Variants in PPP2R5C observed in about 807,000 individuals in gnomAD.
PPP2R5C encodes serine/threonine-protein phosphatase 2A 56 kDa regulatory subunit gamma isoform.
In PPP2R5C, 7 loss-of-function variants were observed where a neutral mutation model predicts 68.9. That is an observed-to-expected ratio of 0.10 (90% CI 0.06 to 0.19). PPP2R5C has a LOEUF of 0.19. PPP2R5C is among the 10% of genes least tolerant of loss of function. PPP2R5C has a pLI of 1.00. For synonymous variants in PPP2R5C, 210 were observed against 222.2 expected (o/e 0.95, Z 0.49); for missense variants, 348 against 641.3 (o/e 0.54, Z 4.94).
intron 8 of PPP2R5C, among the ~76,000 whole-genome samples, chr14:101,897,134 G>A (rs988494471): frequency 3.9e-5 from 6 of 152,080 alleles, no homozygotes; most frequent in South Asian, 2.1e-4. Flanking sequence ...AGATACCTCC[G>A]CCTGAGATTT....
intron 3 of PPP2R5C, among the ~76,000 whole-genome samples, chr14:101,800,601 T>C (rs2038818903): frequency 6.6e-6 from 1 of 151,012 alleles, no homozygotes; most frequent in Admixed American, 6.6e-5. Flanking sequence ...TAAAATAAAA[T>C]TGTCACTTTT....
chr14:101,812,821 CAAGT>C (rs988746405), intron 1 of PPP2R5C, among the ~76,000 whole-genome samples: 5 of 152,162 alleles, frequency 3.3e-5, no homozygotes, highest in African/African-American at 4.8e-5. Flanking sequence ...GGGTGGGGAC[CAAGT>C]AAGTAAGTAA....
At chr14:101,893,263 G>A (rs1335380004) in intron 7 of PPP2R5C, among the ~76,000 whole-genome samples, 155 bp downstream of exon 9, 3 of 152,130 alleles carry the variant, frequency 2.0e-5, no homozygotes, top group African/African-American at 4.8e-5. Context: ...AAAGAATAAG[G>A]GGGTAAAGAG....
At chr14:101,836,117 A>T (rs1243122500) in intron 1 of PPP2R5C, 9 of 666,700 alleles carry the variant, frequency 1.3e-5, no homozygotes, top group Non-Finnish European at 5.5e-6. Flanking sequence ...ACAAGCAACA[A>T]TAAATAAGAA....
intron 1 of PPP2R5C, among the ~76,000 whole-genome samples, chr14:101,813,237 C>A (rs2039473299): frequency 6.6e-6 from 1 of 152,208 alleles, no homozygotes; most frequent in Non-Finnish European, 1.5e-5. Context: ...GGATATTGGA[C>A]AGCACAGTCG....
At chr14:101,787,307 A>G (rs561570140) in intron 3 of PPP2R5C, among the ~76,000 whole-genome samples, 52 of 152,172 alleles carry the variant, frequency 3.4e-4, no homozygotes, top group African/African-American at 1.2e-3. Context: ...TCATGTTTAT[A>G]GCTGTATTCC....
chr14:101,775,098 CT>C (rs1445012829), intron 2 of PPP2R5C, among the ~76,000 whole-genome samples: 2 of 152,214 alleles, frequency 1.3e-5, no homozygotes, highest in Non-Finnish European at 2.9e-5. Context: ...GTATTGGTCC[CT>C]GGGCCTGTAT....
intron 1 of PPP2R5C, among the ~76,000 whole-genome samples, chr14:101,849,238 G>A (rs2042012125): frequency 6.6e-6 from 1 of 152,182 alleles, no homozygotes; most frequent in Admixed American, 6.5e-5. Context: ...TGATGGACGT[G>A]TATGTGAGTG....
intron 2 of PPP2R5C, chr14:101,765,644 T>C: frequency 6.4e-6 from 1 of 156,470 alleles, no homozygotes; most frequent in Non-Finnish European, 1.4e-5. Context: ...CTCGGCTCAC[T>C]GCAACCTCCA....
intron 2 of PPP2R5C, among the ~76,000 whole-genome samples, chr14:101,859,845 CTT>C (rs780721734): frequency 6.6e-6 from 1 of 151,754 alleles, no homozygotes; most frequent in Non-Finnish European, 1.5e-5. Context: ...CTGTTTTTCT[CTT>C]TGTTTCTTAT....
At chr14:101,869,536 C>A (rs2043265252) in intron 2 of PPP2R5C, among the ~76,000 whole-genome samples, 1 of 152,166 alleles carries the variant, frequency 6.6e-6, no homozygotes, top group African/African-American at 2.4e-5. Context: ...CCGTGTGATT[C>A]CCCCAACAGT....
rs1490426848 is a variant in PPP2R5C, at chr14:101,888,204, A to G, written c.630-2033A>G. The stretch of plus-strand genomic sequence containing the variant: ...TTTGTCTCGGAGAGGCCCAGATCAC[A>G]GCTCTCCAAGGTCCATGCGAGAGGA... On this transcript the variant is annotated intron_variant, in intron 5 of 13. Coordinates refer to ENST00000334743, the Ensembl canonical transcript of PPP2R5C. The surrounding 1 kb of genome is among the most constrained non-coding windows in gnomAD (Gnocchi z 5.6). 6.6e-6 allele frequency among the ~76,000 whole-genome samples: 1 copy of G among 152,134 alleles called. No homozygotes were observed. The highest frequency in any genetic ancestry group is 1.5e-5 in the Non-Finnish European group (1 of 68,024).
chr14:101,763,042 A>T (rs2036637409), intron 2 of PPP2R5C, 72 bp downstream of exon 2: 1 of 1,319,456 alleles, frequency 7.6e-7, no homozygotes, highest in Admixed American at 2.1e-5. Context: ...ACCGAGAGTG[A>T]TAAAGCCTAG....
intron 13 of PPP2R5C, among the ~76,000 whole-genome samples, chr14:101,922,976 C>T (rs1210351903): frequency 6.6e-6 from 1 of 152,170 alleles, no homozygotes; most frequent in Non-Finnish European, 1.5e-5. Context: ...TCAGCATTTA[C>T]GGTTTACATT....
intron 13 of PPP2R5C, among the ~76,000 whole-genome samples, chr14:101,920,628 C>T (rs1247221666): frequency 1.3e-5 from 2 of 152,132 alleles, no homozygotes; most frequent in African/African-American, 4.8e-5. Flanking sequence ...TCTCAGCAGG[C>T]TTTTTATCCT....
exon 14 of PPP2R5C, chr14:101,925,520 T>G: frequency 4.5e-6 from 2 of 445,110 alleles, no homozygotes. Flanking sequence ...CCCAGCGTAG[T>G]CCAAGTCAGA....
At chr14:101,923,896 A>G in intron 13 of PPP2R5C, among the ~76,000 whole-genome samples, 1 of 117,882 alleles carries the variant, frequency 8.5e-6, no homozygotes, top group African/African-American at 4.0e-5. Flanking sequence ...AGACATCTGG[A>G]ATTTGTAAGG....
rs2040308166 is a variant in PPP2R5C at position 101,825,002 on chromosome 14, TC to T, written c.94+14969del. The T allele has an allele frequency of 6.6e-6, 1 of 152,208 alleles. No homozygotes were observed. Among genetic ancestry groups the T allele is most frequent in the Non-Finnish European group, 1.5e-5 (1 of 68,112 alleles). 9.4% of individuals were successfully genotyped at this position (152,208 alleles called of 1,614,324 possible). A position where few individuals can be genotyped will look rare whatever the true frequency, so the allele number is the denominator to read the frequency against. On this transcript the variant is annotated intron_variant, in intron 1 of 13. Transcript: ENST00000334743. The surrounding 1 kb of genome is among the most constrained non-coding windows in gnomAD (Gnocchi z 4.0). ...GTATGTCAAAAGGGTGTAAGTAGCA[TC>T]CCTTTATGACTGATGAAAGGAGAGC... is the stretch of plus-strand genomic sequence containing the variant.
intron 1 of PPP2R5C, among the ~76,000 whole-genome samples, chr14:101,847,643 T>A (rs1410253421): frequency 6.6e-6 from 1 of 151,702 alleles, no homozygotes; most frequent in Non-Finnish European, 1.5e-5. Context: ...GCAGGCTGTG[T>A]CCTCATGGTT....
Sources: allele counts gnomAD v4.1 joint callset (sites outside exome capture counted in the v4.1 genomes callset), GRCh38; gene constraint gnomAD v4.1.1; non-coding constraint Gnocchi (gnomAD v3.1); transcripts MANE v1.5; gene names NCBI Gene and HGNC (gene_info 2026-07-23, HGNC 2026-07-21).